The following KHDRBS2 variants were observed in gnomAD, a reference collection of about 807,000 sequenced individuals.
KHDRBS2 encodes the protein KH domain-containing, RNA-binding, signal transduction-associated protein 2.
KHDRBS2 carries 26 observed loss-of-function variants against 44.3 expected under a neutral mutation model. The ratio of observed to expected loss-of-function variants is 0.59; its 90% CI spans 0.43 to 0.81. The LOEUF (loss-of-function observed/expected upper bound fraction) is 0.81. Among genes scored for constraint, KHDRBS2 ranks in the 40% least tolerant of loss-of-function variants. The pLI is 0.00. For synonymous variants in KHDRBS2, 194 were observed against 151.1 expected (o/e 1.28, Z -2.08); for missense variants, 476 against 433.1 (o/e 1.10, Z -0.88).
At chr6:62,129,393 AAATAT>A (rs1809728815) in intron 2 of KHDRBS2, among the ~76,000 whole-genome samples, 1 of 152,170 alleles carries the variant, frequency 6.6e-6, no homozygotes, top group African/African-American at 2.4e-5. Flanking sequence ...CAGTCATGAA[AAATAT>A]AACACAGGAA....
chr6:62,137,526 A>C (rs1362128678), intron 2 of KHDRBS2, among the ~76,000 whole-genome samples: 2 of 152,224 alleles, frequency 1.3e-5, no homozygotes, highest in African/African-American at 2.4e-5. Context: ...AAGCATTGCA[A>C]GATTTACATT....
At chr6:62,247,308 T>C (rs1392875336) in intron 1 of KHDRBS2, among the ~76,000 whole-genome samples, 1 of 151,950 alleles carries the variant, frequency 6.6e-6, no homozygotes, top group Non-Finnish European at 1.5e-5. Context: ...ATATTCTTTT[T>C]GGTGCTAGGT....
At chr6:61,968,806 G>C (rs1014868612) in intron 4 of KHDRBS2, among the ~76,000 whole-genome samples, 9 of 151,888 alleles carry the variant, frequency 5.9e-5, no homozygotes, top group African/African-American at 1.4e-4. Flanking sequence ...GCCTGACCTC[G>C]GGTAGTTTAA....
the KHDRBS2 span, among the ~76,000 whole-genome samples, chr6:61,628,481 C>T: frequency 6.6e-6 from 1 of 152,094 alleles, no homozygotes; most frequent in Non-Finnish European, 1.5e-5. Context: ...TTGTCTCCTA[C>T]GTACCTCTTC....
chr6:61,697,481 A>G (rs573213851), intron 7 of KHDRBS2, among the ~76,000 whole-genome samples: 210 of 152,204 alleles, frequency 1.4e-3, no homozygotes, highest in African/African-American at 4.8e-3. Flanking sequence ...CTATCCACCA[A>G]TTTGATAAAT....
downstream of KHDRBS2, among the ~76,000 whole-genome samples, chr6:61,676,399 A>T (rs1177364842): frequency 1.3e-5 from 2 of 151,834 alleles, no homozygotes; most frequent in African/African-American, 4.8e-5. Context: ...ATTAATTTTG[A>T]TCAGAAGTTC....
chr6:61,612,645 C>G, the KHDRBS2 span, among the ~76,000 whole-genome samples: 1 of 152,182 alleles, frequency 6.6e-6, no homozygotes, highest in Non-Finnish European at 1.5e-5. Context: ...GTCCCAGACA[C>G]TGTGCCAAGC....
At chr6:62,157,652 T>C (rs1417244016) in intron 2 of KHDRBS2, among the ~76,000 whole-genome samples, 3 of 152,202 alleles carry the variant, frequency 2.0e-5, no homozygotes, top group Admixed American at 2.0e-4. Context: ...TAATAGCATG[T>C]TTATATAATT....
chr6:61,601,029 C>T, the KHDRBS2 span, among the ~76,000 whole-genome samples: 2 of 152,294 alleles, frequency 1.3e-5, no homozygotes, highest in South Asian at 4.1e-4. Context: ...TATTCACCCA[C>T]ATTTCATTGG....
rs562772018 is a variant in KHDRBS2, at chr6:61,836,558, T to C, written c.810+58077A>G. 5.9e-5 allele frequency among the ~76,000 whole-genome samples: 9 copies of C among 152,170 alleles called. No homozygotes were observed. The South Asian group carries it at 1.7e-3, about 28-fold the overall frequency. On this transcript the variant is annotated intron_variant, in intron 6 of 8. Coordinates refer to ENST00000281156, the MANE Select transcript of KHDRBS2 (RefSeq NM_152688.4). ...AAATAAGAAAAATGTGCCTGCAGCATGAAAAATCCTTTGACTGCCTTGTGT... is the reference window on the plus strand; with the variant it reads ...AAATAAGAAAAATGTGCCTGCAGCACGAAAAATCCTTTGACTGCCTTGTGT...
At chr6:62,247,351 C>A (rs80225927) in intron 1 of KHDRBS2, among the ~76,000 whole-genome samples, 151,721 of 151,722 alleles carry the variant, frequency 1, 75,860 homozygotes, top group Non-Finnish European at 1. Context: ...TTTGCCATTG[C>A]TCCGCATTAC....
chr6:61,947,101 T>A (rs1344016964), intron 4 of KHDRBS2, among the ~76,000 whole-genome samples: 4 of 152,184 alleles, frequency 2.6e-5, no homozygotes, highest in Admixed American at 2.6e-4. Flanking sequence ...TAAGCATCTA[T>A]CTAAAACTAT....
chr6:61,576,918 C>T, the KHDRBS2 span, among the ~76,000 whole-genome samples: 1 of 152,024 alleles, frequency 6.6e-6, no homozygotes, highest in Admixed American at 6.6e-5. Flanking sequence ...ACTTTGTTTC[C>T]TATTTCTCAG....
intron 1 of KHDRBS2, among the ~76,000 whole-genome samples, chr6:62,263,438 C>T (rs1450120862): frequency 6.6e-6 from 1 of 151,544 alleles, no homozygotes; most frequent in Admixed American, 6.6e-5. Context: ...CATATTGTCT[C>T]AACCAAATAT....
intron 6 of KHDRBS2, among the ~76,000 whole-genome samples, chr6:61,893,061 A>G (rs1802264405): frequency 6.6e-6 from 1 of 152,166 alleles, no homozygotes; most frequent in Non-Finnish European, 1.5e-5. Flanking sequence ...TACAAGAAAA[A>G]AACAACCCCA....
At chr6:61,621,701 T>A in the KHDRBS2 span, among the ~76,000 whole-genome samples, 1 of 152,188 alleles carries the variant, frequency 6.6e-6, no homozygotes, top group Admixed American at 6.6e-5. Flanking sequence ...TCCTTCTCTT[T>A]TAGTGTGGGT....
At chr6:61,756,456 C>A (rs1401193180) in intron 6 of KHDRBS2, among the ~76,000 whole-genome samples, 1 of 151,982 alleles carries the variant, frequency 6.6e-6, no homozygotes, top group African/African-American at 2.4e-5. Context: ...GAGGGGGTTT[C>A]GCCATGTTGA....
intron 3 of KHDRBS2, among the ~76,000 whole-genome samples, chr6:62,038,867 C>T (rs184706891): frequency 9.2e-5 from 14 of 151,998 alleles, no homozygotes; most frequent in African/African-American, 3.4e-4. Context: ...GATTAAATAT[C>T]CTTATTATTT....
intron 1 of KHDRBS2, among the ~76,000 whole-genome samples, chr6:62,182,111 C>CAAGATTTTGAATTTTCT: frequency 6.6e-6 from 1 of 152,038 alleles, no homozygotes; most frequent in Admixed American, 6.6e-5. Context: ...TGGAATTTTC[C>CAAGATTTTGAATTTTCT]AAGATTTTGA....
Sources: allele counts gnomAD v4.1 joint callset (sites outside exome capture counted in the v4.1 genomes callset), GRCh38; gene constraint gnomAD v4.1.1; transcripts MANE v1.5; gene names NCBI Gene and HGNC (gene_info 2026-07-23, HGNC 2026-07-21).